The following INSR variants were observed in gnomAD, a reference collection of about 807,000 sequenced individuals.
INSR encodes insulin receptor, also known as IR.
A neutral mutation model predicts 142.6 loss-of-function variants in INSR; 67 were observed. That is an observed-to-expected ratio of 0.47 (90% confidence interval 0.39 to 0.58). The LOEUF (loss-of-function observed/expected upper bound fraction) is 0.58. Among genes scored for constraint, INSR ranks in the 20% least tolerant of loss-of-function variants. INSR has a pLI of 0.00. For synonymous variants in INSR, 756 were observed against 743.1 expected, an observed-to-expected ratio of 1.02 and a Z score of -0.28; for missense variants, 1,248 against 1,833.2, an observed-to-expected ratio of 0.68 and a Z score of 5.83.
intron 9 of INSR, among the ~76,000 whole-genome samples, chr19:7,153,837 G>A (rs1973516550): frequency 1.3e-5 from 2 of 152,094 alleles, no homozygotes; most frequent in Admixed American, 1.3e-4. Context: ...GCAATGTGGT[G>A]AAACCCTGTC....
At chr19:7,176,788 AT>A (rs1204229803) in intron 3 of INSR, among the ~76,000 whole-genome samples, 1 of 152,186 alleles carries the variant, frequency 6.6e-6, no homozygotes, top group Non-Finnish European at 1.5e-5. Flanking sequence ...TCTTTTCTTT[AT>A]AAATTACCCA....
intron 1 of INSR, among the ~76,000 whole-genome samples, chr19:7,283,551 C>T (rs1052574063): frequency 1.3e-5 from 2 of 151,938 alleles, no homozygotes; most frequent in African/African-American, 2.4e-5. Context: ...GCAATTCTCC[C>T]GCCTCAGCCT....
chr19:7,244,265 G>C (rs997461982), intron 2 of INSR, among the ~76,000 whole-genome samples: 4 of 152,186 alleles, frequency 2.6e-5, no homozygotes, highest in Non-Finnish European at 5.9e-5. Flanking sequence ...GGGCGCAGTG[G>C]CTCATGCCTG....
intron 13 of INSR, among the ~76,000 whole-genome samples, chr19:7,132,726 G>T (rs990272770): frequency 3.3e-5 from 5 of 151,562 alleles, no homozygotes; most frequent in Non-Finnish European, 7.4e-5. Flanking sequence ...CGAGTAGCTG[G>T]GATTACAGGC....
chr19:7,175,033 G>T (rs1452055586), intron 3 of INSR, among the ~76,000 whole-genome samples: 1 of 151,840 alleles, frequency 6.6e-6, no homozygotes, highest in African/African-American at 2.4e-5. Flanking sequence ...GAGTAGAGAC[G>T]GGGTTTTACC....
intron 2 of INSR, among the ~76,000 whole-genome samples, chr19:7,226,798 C>T (rs937946033): frequency 2.7e-5 from 4 of 150,878 alleles, no homozygotes; most frequent in Non-Finnish European, 5.9e-5. Flanking sequence ...CTCCATATAC[C>T]CCTACTCCAA....
chr19:7,174,839 T>C (rs906093814), intron 3 of INSR, 108 bp from the exon 4 acceptor site: 18 of 1,120,108 alleles, frequency 1.6e-5, no homozygotes, highest in South Asian at 1.5e-5. Flanking sequence ...TGGTATTTCT[T>C]TGTGTGTGTG....
intron 2 of INSR, among the ~76,000 whole-genome samples, chr19:7,213,115 G>A (rs1178583102): frequency 6.6e-6 from 1 of 152,134 alleles, no homozygotes; most frequent in Non-Finnish European, 1.5e-5. Flanking sequence ...GGAGGCCGAA[G>A]TGGGCGGATC....
chr19:7,197,378 C>T (rs1418326982), intron 2 of INSR, among the ~76,000 whole-genome samples: 1 of 152,182 alleles, frequency 6.6e-6, no homozygotes, highest in Admixed American at 6.5e-5. Flanking sequence ...TGAGTCCGTC[C>T]ACGGGGGCGG....
chr19:7,196,274 T>G (rs1427249601), intron 2 of INSR, among the ~76,000 whole-genome samples: 1 of 152,126 alleles, frequency 6.6e-6, no homozygotes, highest in Non-Finnish European at 1.5e-5. Flanking sequence ...CACTGAAGAA[T>G]TAAGGAGTAT....
rs1418494978 is a variant in INSR at position 7,236,578 on chromosome 19, T to C, written c.652+30767A>G. ...TACACCAAAGAAAAGATGCCAGACA[T>C]TGGCCAGGCACCATGGCTCACGCCT... On this transcript the variant is annotated intron_variant, in intron 2 of 21. Coordinates refer to ENST00000302850, the MANE Select transcript of INSR (RefSeq NM_000208.4). 2.6e-5 allele frequency among the ~76,000 whole-genome samples: 4 copies of C among 152,316 alleles called. No individual in the cohort carries two copies. The East Asian group carries it at 5.8e-4, about 22-fold the overall frequency.
chr19:7,282,930 G>A (rs939050248), intron 1 of INSR, among the ~76,000 whole-genome samples: 5 of 151,846 alleles, frequency 3.3e-5, no homozygotes, highest in African/African-American at 9.7e-5. Context: ...CTGAGATCAC[G>A]CCACTGCACT....
At chr19:7,254,028 C>CAA in intron 2 of INSR, among the ~76,000 whole-genome samples, 1 of 125,178 alleles carries the variant, frequency 8.0e-6, no homozygotes, top group Non-Finnish European at 1.7e-5. Context: ...AACTCCATCT[C>CAA]AAAAAAAAAA....
chr19:7,231,493 G>T (rs1198581549), intron 2 of INSR, among the ~76,000 whole-genome samples: 5 of 151,806 alleles, frequency 3.3e-5, no homozygotes, highest in Admixed American at 3.3e-4. Context: ...TAGAGACAGG[G>T]TTTCACCATG....
At position 7,279,926 on chromosome 19, in the gene INSR, C is replaced by T. The variant is rs1177748617; in HGVS notation, c.101-12030G>A. 2.6e-5 allele frequency among the ~76,000 whole-genome samples: 4 copies of T among 151,422 alleles called. No individual in the cohort carries two copies. The Admixed American group carries it at 2.6e-4, about 10-fold the overall frequency. ...GAGATTGCGGAGGCCTGACATCACA[C>T]CACTACACTCCAGCCTAGGCGACAG... On this transcript the variant is annotated intron_variant, in intron 1 of 21. Transcript: ENST00000302850.
At chr19:7,291,202 G>C (rs571245347) in intron 1 of INSR, among the ~76,000 whole-genome samples, 8 of 152,272 alleles carry the variant, frequency 5.3e-5, no homozygotes, top group South Asian at 2.1e-4. Context: ...CCCCAATCGT[G>C]GGGGGTACGG....
At chr19:7,268,359 T>C in intron 1 of INSR, 47 of 898,268 alleles carry the variant, frequency 5.2e-5, no homozygotes, top group Non-Finnish European at 6.3e-5. Context: ...GCTGGCTGAC[T>C]TTCCTTCCCG....
At chr19:7,290,970 T>A (rs958586676) in intron 1 of INSR, among the ~76,000 whole-genome samples, 6 of 151,062 alleles carry the variant, frequency 4.0e-5, no homozygotes, top group Admixed American at 6.6e-5. Flanking sequence ...CTGGGGAGGC[T>A]GAGGCAGGAG....
At chr19:7,234,405 G>A (rs1216507335) in intron 2 of INSR, among the ~76,000 whole-genome samples, 3 of 151,940 alleles carry the variant, frequency 2.0e-5, no homozygotes, top group East Asian at 1.9e-4. Context: ...TGGGGGTCTC[G>A]CCATGTTGCC....
Sources: allele counts gnomAD v4.1 joint callset (sites outside exome capture counted in the v4.1 genomes callset), GRCh38; gene constraint gnomAD v4.1.1; transcripts MANE v1.5; gene names NCBI Gene and HGNC (gene_info 2026-07-23, HGNC 2026-07-21).